GABBR2: variants seen among roughly 807,000 people sequenced by gnomAD.
GABBR2 encodes the protein gamma-aminobutyric acid type B receptor subunit 2, also known as G-protein coupled receptor 51.
In GABBR2, 23 loss-of-function variants were observed where a neutral mutation model predicts 105.6. The ratio of observed to expected loss-of-function variants is 0.22; its 90% CI spans 0.16 to 0.31. The LOEUF (loss-of-function observed/expected upper bound fraction) is 0.31. GABBR2 is among the 10% of genes least tolerant of loss of function. The probability of loss-of-function intolerance (pLI) is 1.00; values close to 1 mark genes in which losing one functional copy is unlikely to be tolerated. For synonymous variants in GABBR2, 478 were observed against 499.7 expected, an observed-to-expected ratio of 0.96 and a Z score of 0.58; for missense variants, 734 against 1,245.5, an observed-to-expected ratio of 0.59 and a Z score of 6.18.
intron 13 of GABBR2, among the ~76,000 whole-genome samples, chr9:98,353,809 G>T (rs1028405569): frequency 1.5e-4 from 3 of 19,814 alleles, no homozygotes; most frequent in Admixed American, 8.9e-4. Context: ...ATCATGGTGG[G>T]GGGGGGTGGC....
chr9:98,343,179 G>A, intron 13 of GABBR2, among the ~76,000 whole-genome samples: 1 of 152,188 alleles, frequency 6.6e-6, no homozygotes, highest in East Asian at 1.9e-4. Context: ...GTCCCAAATG[G>A]CCCTTAACTT....
rs755422959 is a variant in GABBR2, at chr9:98,299,291, G to A, written c.2475C>T (p.Tyr825=). ...QLQDTPEKTT[Y]IKQNHYQELN... ...GCTCTTGGTAGTGGTTCTGTTTAAT[G>A]TAGGTGGTCTTTTCTGGTGTGTCCT... Residue 825 remains tyrosine (Y), a synonymous_variant, in exon 17 of 19, where the codon TAC becomes TAT. Transcript: ENST00000259455. 2 of 1,613,892 alleles carry A rather than the reference G, an allele frequency of 1.2e-6. No homozygotes were observed. The highest frequency in any genetic ancestry group is 1.7e-6 in the Non-Finnish European group (2 of 1,179,862).
chr9:98,463,613 C>T (rs1826469119), intron 6 of GABBR2, among the ~76,000 whole-genome samples: 1 of 151,474 alleles, frequency 6.6e-6, no homozygotes, highest in African/African-American at 2.4e-5. Flanking sequence ...GTCTCGCTCT[C>T]GCTCTCGCTC....
chr9:98,407,345 C>T (rs942634655), intron 7 of GABBR2, among the ~76,000 whole-genome samples: 9 of 152,156 alleles, frequency 5.9e-5, no homozygotes, highest in Admixed American at 5.9e-4. Flanking sequence ...ATCGCTCAGC[C>T]TGATCCCAGA....
rs369338702 is a variant in GABBR2, at chr9:98,447,063, C to CTTTTTTTTTTTT, written c.1236+6906_1236+6917dup. Among the ~76,000 whole-genome samples the CTTTTTTTTTTTT allele has an allele frequency of 2.0e-4, 23 of 116,336 alleles. No homozygotes were observed. In the East Asian group the frequency reaches 2.2e-3, roughly 11 times the overall value. 76.3% of individuals were successfully genotyped at this position (116,336 alleles called of 152,430 possible). A position where few individuals can be genotyped will look rare whatever the true frequency, so the allele number is the denominator to read the frequency against. ...CCCAGATTCAACCTAAAAAAGACTT[C>CTTTTTTTTTTTT]TTTTTTTTTTTTTTTTGAGACGGAG... On this transcript the variant is annotated intron_variant, in intron 7 of 18. Coordinates refer to ENST00000259455, the MANE Select transcript of GABBR2 (RefSeq NM_005458.8).
chr9:98,533,779 G>A lies in GABBR2; in HGVS notation c.630+8094C>T, dbSNP rs1210112964. On this transcript the variant is annotated intron_variant, in intron 3 of 18. Transcript: ENST00000259455. ...CCAGCTGGGGAGGTTGAGCCAGATG[G>A]AGGGCAGGATGTTCCTGCCAAGAGA... Among the ~76,000 whole-genome samples the A allele has an allele frequency of 3.9e-5, 6 of 152,198 alleles. No homozygotes were observed. In the East Asian group the frequency reaches 7.7e-4, roughly 20 times the overall value.
rs3983388 is a variant in GABBR2, at chr9:98,706,109, CAAAAAA to C, written c.321+2302_321+2307del. 2.9e-3 allele frequency among the ~76,000 whole-genome samples: 402 copies of C among 136,790 alleles called. 1 individual carries two copies. The highest frequency in any genetic ancestry group is 7.4e-3 in the Middle Eastern group (2 of 272). The allele number at this position is 136,790 out of a possible 152,430, so 89.7% of individuals were successfully genotyped here. The stretch of plus-strand genomic sequence containing the variant: ...CAAAAACAAAACAAAACAAAAAAAA[CAAAAAA>C]AAAAAAAAAAAGAAGGAGGAGGAGG... On this transcript the variant is annotated intron_variant, in intron 1 of 18. Coordinates refer to ENST00000259455, the MANE Select transcript of GABBR2 (RefSeq NM_005458.8).
At chr9:98,643,987 C>A (rs1018571850) in intron 1 of GABBR2, among the ~76,000 whole-genome samples, 5 of 152,202 alleles carry the variant, frequency 3.3e-5, no homozygotes, top group African/African-American at 2.4e-5. Context: ...CAGTTCTGAG[C>A]CAATCAATTC....
intron 3 of GABBR2, among the ~76,000 whole-genome samples, chr9:98,500,850 C>G (rs949173139): frequency 7.9e-5 from 12 of 152,094 alleles, no homozygotes; most frequent in Admixed American, 7.2e-4. Flanking sequence ...TGAGAACTTG[C>G]TAAAAATGCA....
At chr9:98,332,472 G>T (rs1003916474) in intron 13 of GABBR2, among the ~76,000 whole-genome samples, 2 of 152,136 alleles carry the variant, frequency 1.3e-5, no homozygotes, top group African/African-American at 4.8e-5. Flanking sequence ...AGGGAGGAAT[G>T]AACTTCCCCT....
intron 2 of GABBR2, among the ~76,000 whole-genome samples, chr9:98,565,544 A>G (rs910071794): frequency 5.9e-5 from 9 of 152,316 alleles, no homozygotes; most frequent in Non-Finnish European, 8.8e-5. Flanking sequence ...AGATATCCCA[A>G]GACCACATAG....
At chr9:98,694,702 C>T (rs1469245973) in intron 1 of GABBR2, among the ~76,000 whole-genome samples, 1 of 152,216 alleles carries the variant, frequency 6.6e-6, no homozygotes, top group East Asian at 1.9e-4. Flanking sequence ...CACTTTACAG[C>T]TTCTTAAAGC....
chr9:98,691,527 C>T (rs550466752), intron 1 of GABBR2, among the ~76,000 whole-genome samples: 7 of 152,324 alleles, frequency 4.6e-5, no homozygotes, highest in East Asian at 1.9e-4. Context: ...AACTCTTTGC[C>T]GACAGCAAGG....
rs2778906 is a variant in GABBR2 at position 98,577,722 on chromosome 9, T to C, written c.459+213A>G. Among the ~76,000 whole-genome samples the C allele has an allele frequency of 0.74, 112,377 of 152,160 alleles. 42,416 individuals carry two copies. Among genetic ancestry groups the C allele is most frequent in the African/African-American group, 0.89 (37,135 of 41,538 alleles). On this transcript the variant is annotated intron_variant, in intron 2 of 18. Coordinates refer to ENST00000259455, the MANE Select transcript of GABBR2 (RefSeq NM_005458.8). ...GTGAGCCCTGAAGCCTTCAAATACA[T>C]GGTGATAGCATCAGGGCTGCCCTTT...
chr9:98,564,885 C>T (rs1220403417), intron 2 of GABBR2, among the ~76,000 whole-genome samples: 1 of 152,006 alleles, frequency 6.6e-6, no homozygotes, highest in Non-Finnish European at 1.5e-5. Flanking sequence ...CCAGCTGGGA[C>T]CAGGGTTGGG....
chr9:98,627,531 C>A (rs76187496), intron 1 of GABBR2, among the ~76,000 whole-genome samples: 4 of 152,348 alleles, frequency 2.6e-5, no homozygotes, highest in East Asian at 3.9e-4. Flanking sequence ...TGTCCCCACT[C>A]GGGTCTGTTA....
chr9:98,614,677 T>C (rs1829554710), intron 1 of GABBR2, among the ~76,000 whole-genome samples: 1 of 151,450 alleles, frequency 6.6e-6, no homozygotes, highest in Admixed American at 6.6e-5. Context: ...CAGTAAGATA[T>C]AACAATAGAG....
rs1481104077 is a variant in GABBR2, at chr9:98,288,915, G to A, written c.*1669C>T. 6.6e-6 allele frequency: 1 copy of A among 152,630 alleles called. No individual in the cohort carries two copies. The highest frequency in any genetic ancestry group is 6.5e-5 in the Admixed American group (1 of 15,274). The allele number at this position is 152,630 out of a possible 1,614,324, so 9.5% of individuals were successfully genotyped here. A position where few individuals can be genotyped will look rare whatever the true frequency, so the allele number is the denominator to read the frequency against. Reference sequence around the variant, plus strand: ...TTTATTCCTGACTGCAGTGGTTCTGGGAAGAGATTATTGCCTGCCTGTTGA... The same window carrying A: ...TTTATTCCTGACTGCAGTGGTTCTGAGAAGAGATTATTGCCTGCCTGTTGA... On this transcript the variant is annotated 3_prime_UTR_variant, in exon 19 of 19. Coordinates refer to ENST00000259455, the MANE Select transcript of GABBR2 (RefSeq NM_005458.8).
At chr9:98,586,843 C>T (rs568561033) in intron 1 of GABBR2, among the ~76,000 whole-genome samples, 9 of 152,304 alleles carry the variant, frequency 5.9e-5, no homozygotes, top group Non-Finnish European at 8.8e-5. Flanking sequence ...TTGTTCATTC[C>T]TCTGCCAGTG....
Sources: allele counts gnomAD v4.1 joint callset (sites outside exome capture counted in the v4.1 genomes callset), GRCh38; gene constraint gnomAD v4.1.1; transcripts MANE v1.5; gene names NCBI Gene and HGNC (gene_info 2026-07-23, HGNC 2026-07-21).